POLR3B: variants seen among roughly 807,000 people sequenced by gnomAD.
The protein encoded by POLR3B is DNA-directed RNA polymerase III subunit RPC2.
A neutral mutation model predicts 147.4 loss-of-function variants in POLR3B; 96 were observed. The ratio of observed to expected loss-of-function variants is 0.65; its 90% confidence interval spans 0.55 to 0.77. The LOEUF (loss-of-function observed/expected upper bound fraction) is 0.77. Among genes scored for constraint, POLR3B ranks in the 30% least tolerant of loss-of-function variants. The pLI is 0.00. For missense variants in POLR3B, 1,036 were observed against 1,413.5 expected, an observed-to-expected ratio of 0.73 and a Z score of 4.28; for synonymous variants, 461 against 485.9, an observed-to-expected ratio of 0.95 and a Z score of 0.67.
At chr12:106,459,020 C>T (rs570521045) in intron 21 of POLR3B, among the ~76,000 whole-genome samples, 9 of 152,028 alleles carry the variant, frequency 5.9e-5, no homozygotes, top group Non-Finnish European at 1.3e-4. Context: ...TTTATATAGA[C>T]TATGATGTGT....
At position 106,483,144 on chromosome 12, in the gene POLR3B, T is replaced by C. The variant is rs78985670; in HGVS notation, c.2714-12911T>C. On this transcript the variant is annotated intron_variant, in intron 23 of 27. Transcript: ENST00000228347. ...CAGTTGGGCCTGTAAAACCCAAATA[T>C]ATGAAAAGTTGTCCCTCTGTGGAGA... Among the ~76,000 whole-genome samples the C allele has an allele frequency of 4.7e-3, 708 of 152,254 alleles. 5 individuals are homozygous for C. The highest frequency in any genetic ancestry group is 0.016 in the African/African-American group (680 of 41,538).
At chr12:106,389,809 G>T (rs1375483882) in intron 9 of POLR3B, among the ~76,000 whole-genome samples, 1 of 152,168 alleles carries the variant, frequency 6.6e-6, no homozygotes, top group Non-Finnish European at 1.5e-5. Flanking sequence ...TAGGAAGATT[G>T]CTTGAGCCCA....
chr12:106,382,857 C>G (rs2036782812), intron 9 of POLR3B, among the ~76,000 whole-genome samples: 1 of 152,172 alleles, frequency 6.6e-6, no homozygotes, highest in Admixed American at 6.6e-5. Context: ...ATCAGCCTGT[C>G]CTTTGAAGCT....
chr12:106,479,997 T>TG (rs938383316), intron 23 of POLR3B, among the ~76,000 whole-genome samples: 18 of 120,102 alleles, frequency 1.5e-4, no homozygotes, highest in African/African-American at 6.2e-4. Flanking sequence ...TTTTTGTTTT[T>TG]GGGTTTTTTT....
chr12:106,454,357 TGA>T, intron 19 of POLR3B, 143 bp from the exon 20 acceptor site: 2 of 633,002 alleles, frequency 3.2e-6, no homozygotes, highest in Non-Finnish European at 5.6e-6. Context: ...TAAGCCACCA[TGA>T]GAGTATTGCT....
intron 19 of POLR3B, among the ~76,000 whole-genome samples, chr12:106,445,683 T>C (rs2037713185): frequency 1.3e-5 from 2 of 152,204 alleles, no homozygotes; most frequent in African/African-American, 4.8e-5. Context: ...TTTATTTTCA[T>C]ATATGCCCAT....
chr12:106,503,040 G>C (rs201436374), intron 26 of POLR3B, among the ~76,000 whole-genome samples: 3 of 152,166 alleles, frequency 2.0e-5, no homozygotes, highest in Non-Finnish European at 4.4e-5. Context: ...TCCACATGTG[G>C]TCTGTCTACC....
intron 12 of POLR3B, among the ~76,000 whole-genome samples, chr12:106,420,837 C>G (rs776160877): frequency 1.3e-4 from 20 of 152,162 alleles, no homozygotes; most frequent in Non-Finnish European, 2.4e-4. Context: ...AAGGCCACTA[C>G]TCAACAACTA....
rs902801078 is a variant in POLR3B, at chr12:106,463,520, A to G, written c.2613A>G (p.Ile871Met). The change falls in exon 23 of 28, where the codon ATA (isoleucine) becomes ATG (methionine). Residue 871 changes from isoleucine to methionine, a missense_variant. Transcript: ENST00000228347. Reference sequence around the variant, plus strand: ...ACTCATATATTGAAAAAGTGATGATATCTTCAAATGCTGAAGATGCTTTTC... The same window carrying G: ...ACTCATATATTGAAAAAGTGATGATGTCTTCAAATGCTGAAGATGCTTTTC... ...ATDSYIEKVM[I>M]SSNAEDAFLI... 8.1e-6 allele frequency: 13 copies of G among 1,613,082 alleles called. No individual in the cohort carries two copies. Among genetic ancestry groups the G allele is most frequent in the East Asian group, 2.2e-5 (1 of 44,848 alleles).
At chr12:106,447,492 C>T (rs2137020368) in intron 19 of POLR3B, among the ~76,000 whole-genome samples, 1 of 152,284 alleles carries the variant, frequency 6.6e-6, no homozygotes, top group South Asian at 2.1e-4. Flanking sequence ...ATGGGTATGG[C>T]TGTGTGTGTA....
At chr12:106,439,701 C>A (rs1489790353) in intron 18 of POLR3B, among the ~76,000 whole-genome samples, 1 of 151,962 alleles carries the variant, frequency 6.6e-6, no homozygotes, top group Non-Finnish European at 1.5e-5. Flanking sequence ...GGTTTTTGGT[C>A]AGAATTTTTC....
intron 18 of POLR3B, among the ~76,000 whole-genome samples, chr12:106,442,897 TC>T (rs940274311): frequency 6.6e-6 from 1 of 152,160 alleles, no homozygotes; most frequent in Non-Finnish European, 1.5e-5. Context: ...CTGAGTAGCT[TC>T]ATCATTTGGC....
At chr12:106,468,799 C>T (rs766662214) in intron 23 of POLR3B, among the ~76,000 whole-genome samples, 23 of 152,178 alleles carry the variant, frequency 1.5e-4, no homozygotes, top group Non-Finnish European at 3.2e-4. Context: ...GTGCTGTGGT[C>T]TGAGAGACAG....
chr12:106,358,313 A>G (rs1048141710), intron 1 of POLR3B: 7 of 1,139,896 alleles, frequency 6.1e-6, no homozygotes, highest in Non-Finnish European at 7.8e-6. Context: ...CAGGGAGCTC[A>G]GGCCATTTGC....
intron 23 of POLR3B, among the ~76,000 whole-genome samples, chr12:106,465,096 A>G (rs1334491161): frequency 6.6e-6 from 1 of 152,194 alleles, no homozygotes; most frequent in African/African-American, 2.4e-5. Context: ...ATGGCTTGCC[A>G]GTAAAAAATC....
intron 12 of POLR3B, among the ~76,000 whole-genome samples, chr12:106,422,222 T>C (rs2136948789): frequency 6.6e-6 from 1 of 152,266 alleles, no homozygotes. Context: ...AGTGCCATTT[T>C]CTTGGTAGAA....
At chr12:106,441,907 C>T (rs1040309611) in intron 18 of POLR3B, among the ~76,000 whole-genome samples, 7 of 152,008 alleles carry the variant, frequency 4.6e-5, no homozygotes, top group Admixed American at 3.3e-4. Flanking sequence ...ATGGAGAAAC[C>T]CTATCTCTAC....
intron 26 of POLR3B, 108 bp downstream of exon 26, chr12:106,501,544 TG>T: frequency 1.4e-6 from 1 of 702,956 alleles, no homozygotes; most frequent in East Asian, 2.7e-5. Flanking sequence ...TTTCCTGAGA[TG>T]TCAAAATTTG....
intron 13 of POLR3B, 36 bp from the exon 14 acceptor site, chr12:106,430,237 G>A: frequency 2.0e-6 from 3 of 1,532,184 alleles, no homozygotes; most frequent in South Asian, 1.1e-5. Flanking sequence ...ATAGGATTGG[G>A]TTAGGAATAG....
Sources: gnomAD v4.1 joint callset for allele counts (sites outside exome capture counted in the v4.1 genomes callset) on GRCh38, gnomAD v4.1.1 for gene constraint, MANE v1.5 for transcripts, NCBI Gene and HGNC (gene_info 2026-07-23, HGNC 2026-07-21) for gene names.